MROH1: variants seen among roughly 807,000 people sequenced by gnomAD.
MROH1 encodes the protein maestro heat-like repeat-containing protein family member 1.
In MROH1, 117 loss-of-function variants were observed where a neutral mutation model predicts 116.5. That is an observed-to-expected ratio of 1.00 (90% confidence interval 0.86 to 1.17). The LOEUF (loss-of-function observed/expected upper bound fraction) is 1.17. Among genes scored for constraint, MROH1 ranks in the 50% most tolerant of loss-of-function variants. The pLI, the probability that MROH1 is intolerant of heterozygous loss-of-function variation, is 0.00. For synonymous variants in MROH1, 921 were observed against 583.9 expected (o/e 1.58, Z -8.32); for missense variants, 1,873 against 1,338.5 (o/e 1.40, Z -6.23).
At chr8:144,184,826 GGGGCCGCCA>G (rs1826542739) in intron 7 of MROH1, among the ~76,000 whole-genome samples, 2 of 152,210 alleles carry the variant, frequency 1.3e-5, no homozygotes, top group South Asian at 4.1e-4. Context: ...ATGCTGTGGA[GGGGCCGCCA>G]GGAGCTGCTG....
At chr8:144,213,657 C>T (rs956897890) in intron 12 of MROH1, among the ~76,000 whole-genome samples, 5 of 151,962 alleles carry the variant, frequency 3.3e-5, no homozygotes, top group Admixed American at 1.3e-4. Flanking sequence ...GGCGTGGTGG[C>T]GTGTGCCTAT....
chr8:144,176,768 G>A (rs1824062939), intron 4 of MROH1, among the ~76,000 whole-genome samples: 1 of 151,008 alleles, frequency 6.6e-6, no homozygotes, highest in Admixed American at 6.6e-5. Context: ...GGCGGAGGTT[G>A]CAGTGAGTTG....
At chr8:144,250,615 A>G in intron 33 of MROH1, 2 of 581,394 alleles carry the variant, frequency 3.4e-6, no homozygotes, top group Admixed American at 2.8e-5. Context: ...GCACCCCCAC[A>G]GGGAAGCTGC....
intron 12 of MROH1, among the ~76,000 whole-genome samples, chr8:144,206,106 G>C (rs1832745166): frequency 6.6e-6 from 1 of 152,204 alleles, no homozygotes; most frequent in Admixed American, 6.5e-5. Flanking sequence ...CTGGAGTGCG[G>C]TGGCACGATC....
At chr8:144,213,080 C>T (rs751756547) in intron 12 of MROH1, 10 of 778,782 alleles carry the variant, frequency 1.3e-5, no homozygotes, top group South Asian at 2.7e-5. Context: ...TGCTGCTCCG[C>T]AGCCTGCTGA....
At chr8:144,220,487 C>G in intron 12 of MROH1, 113 bp from the exon 13 acceptor site, 1 of 808,362 alleles carries the variant, frequency 1.2e-6, no homozygotes, top group Non-Finnish European at 1.9e-6. Flanking sequence ...TCCTTATGCT[C>G]CCTCTTCCTC....
intron 14 of MROH1, among the ~76,000 whole-genome samples, chr8:144,225,010 T>G (rs1352092820): frequency 6.6e-6 from 1 of 152,164 alleles, no homozygotes; most frequent in Non-Finnish European, 1.5e-5. Context: ...CACCTAACTT[T>G]CTTTTTTTTT....
chr8:144,221,062 A>G (rs1564509167), intron 13 of MROH1, among the ~76,000 whole-genome samples: 1 of 152,154 alleles, frequency 6.6e-6, no homozygotes, highest in Non-Finnish European at 1.5e-5. Flanking sequence ...GCCCACACAC[A>G]GAGCTCCCAG....
chr8:144,260,298 T>C lies in MROH1; in HGVS notation c.4304T>C (p.Val1435Ala), dbSNP rs1844776454. 1.3e-6 allele frequency: 1 copy of C among 755,398 alleles called. No homozygotes were observed. The highest frequency in any genetic ancestry group is 2.4e-6 in the Non-Finnish European group (1 of 411,804). 46.8% of individuals were successfully genotyped at this position (755,398 alleles called of 1,614,324 possible). A position where few individuals can be genotyped will look rare whatever the true frequency, so the allele number is the denominator to read the frequency against. The change falls in exon 39 of 44, where the codon GTG (valine) becomes GCG (alanine). Residue 1435 changes from valine (V) to alanine (A), a missense_variant. By Grantham distance (64) the Val-to-Ala change is moderately conservative. Transcript: ENST00000326134. ...GCCATGCTGGGCCTTGCGAGGCTGG[T>C]GCACCTGGTGGAGTCCTGGGACCTG... ...LEAMLGLARLVHLVESWDLRS... is the reference protein window; with the variant it reads ...LEAMLGLARLAHLVESWDLRS...
intron 14 of MROH1, among the ~76,000 whole-genome samples, chr8:144,230,283 C>T (rs1053295141): frequency 1.3e-5 from 2 of 152,176 alleles, no homozygotes; most frequent in East Asian, 3.9e-4. Context: ...AATGTTTGGC[C>T]GGTCTGATTC....
chr8:144,197,455 A>G (rs1830173205), intron 10 of MROH1, among the ~76,000 whole-genome samples: 1 of 19,942 alleles, frequency 5.0e-5, no homozygotes, highest in Non-Finnish European at 7.4e-5. Flanking sequence ...TTTTTTTTTG[A>G]GACGGAATCT....
At chr8:144,222,769 G>T (rs947162890) in intron 13 of MROH1, among the ~76,000 whole-genome samples, 1 of 152,020 alleles carries the variant, frequency 6.6e-6, no homozygotes, top group Non-Finnish European at 1.5e-5. Context: ...TGTGGGTATA[G>T]GTGTGGGCGT....
intron 12 of MROH1, 141 bp downstream of exon 12, chr8:144,200,682 A>G (rs1170209763): frequency 4.4e-6 from 3 of 683,586 alleles, no homozygotes; most frequent in Non-Finnish European, 7.5e-6. Flanking sequence ...ACTATTTTGC[A>G]AAATTCTAAA....
intron 7 of MROH1, among the ~76,000 whole-genome samples, chr8:144,189,556 C>G (rs1401131004): frequency 2.0e-5 from 3 of 149,836 alleles, no homozygotes; most frequent in Non-Finnish European, 4.4e-5. Context: ...TGCCCAGCCT[C>G]TGCCCGCTCC....
chr8:144,157,989 C>CTTT (rs1157662078), intron 1 of MROH1, among the ~76,000 whole-genome samples: 38 of 88,838 alleles, frequency 4.3e-4, no homozygotes, highest in African/African-American at 7.9e-4. Context: ...CTATTTCTTT[C>CTTT]TTTTTTTTTT....
intron 12 of MROH1, 185 bp downstream of exon 12, chr8:144,200,726 A>G (rs1830935707): frequency 6.8e-6 from 4 of 584,168 alleles, no homozygotes; most frequent in Admixed American, 2.8e-5. Flanking sequence ...GTACCTTTCT[A>G]CCCTTCGCCA....
At chr8:144,254,755 G>A (rs1301655472) in intron 33 of MROH1, 58 bp from the exon 34 acceptor site, 7 of 725,718 alleles carry the variant, frequency 9.6e-6, no homozygotes, top group African/African-American at 3.5e-5. Context: ...CCCAGGTGGC[G>A]GGGGGCAGGC....
At chr8:144,162,234 G>A (rs1374437968) in intron 2 of MROH1, among the ~76,000 whole-genome samples, 2 of 151,342 alleles carry the variant, frequency 1.3e-5, no homozygotes, top group African/African-American at 2.4e-5. Flanking sequence ...ACAGGCACGC[G>A]CCACCACACC....
chr8:144,172,014 A>G (rs912211827), intron 4 of MROH1, among the ~76,000 whole-genome samples: 2 of 152,264 alleles, frequency 1.3e-5, no homozygotes, highest in African/African-American at 2.4e-5. Context: ...TAAGTCTGAC[A>G]AAACAGACTC....
Sources: gnomAD v4.1 joint callset for allele counts (sites outside exome capture counted in the v4.1 genomes callset) on GRCh38, gnomAD v4.1.1 for gene constraint, MANE v1.5 for transcripts, NCBI Gene and HGNC (gene_info 2026-07-23, HGNC 2026-07-21) for gene names.